AZIN2: variants seen among roughly 807,000 people sequenced by gnomAD.
AZIN2 encodes antizyme inhibitor 2, also known as ODC antizyme inhibitor-2.
In AZIN2, 28 loss-of-function variants were observed where a neutral mutation model predicts 47.8. The ratio of observed to expected loss-of-function variants is 0.59; its 90% CI spans 0.43 to 0.80. The LOEUF (loss-of-function observed/expected upper bound fraction) is 0.80, where lower values mean the gene tolerates loss of function less well. AZIN2 is among the 30% of genes least tolerant of loss of function. The pLI is 0.00. For missense variants in AZIN2, 535 were observed against 582.5 expected (o/e 0.92, Z 0.84); for synonymous variants, 221 against 239.4 (o/e 0.92, Z 0.71).
At chr1:33,090,934 T>C (rs982493246) in intron 5 of AZIN2, among the ~76,000 whole-genome samples, 1 of 152,178 alleles carries the variant, frequency 6.6e-6, no homozygotes, top group Admixed American at 6.6e-5. Context: ...CACATATAAG[T>C]GAGATCATGC....
chr1:33,086,992 G>C (rs920928236), intron 5 of AZIN2, among the ~76,000 whole-genome samples: 3 of 152,154 alleles, frequency 2.0e-5, no homozygotes, highest in African/African-American at 7.2e-5. Context: ...CCAACATCCA[G>C]TGAGCACTTT....
rs1438523379 is a variant in AZIN2 at position 33,122,951 on chromosome 1, G to GT, written c.*2772dup. Among the ~76,000 whole-genome samples, 1 of 152,070 alleles carries GT rather than the reference G, an allele frequency of 6.6e-6. No individual in the cohort carries two copies. The highest frequency in any genetic ancestry group is 2.4e-5 in the African/African-American group (1 of 41,404). ...CAGATGCCGTACCTCCTGGGATTCC[G>GT]TTTCACCAAGAATGAAATTTAAAGT... On this transcript the variant is annotated 3_prime_UTR_variant, in exon 12 of 12. Transcript: ENST00000294517.
chr1:33,132,137 C>T, the AZIN2 span, among the ~76,000 whole-genome samples: 4 of 152,170 alleles, frequency 2.6e-5, no homozygotes, highest in Admixed American at 6.5e-5. Context: ...GGTGTATCTA[C>T]TCTGGATCCA....
the AZIN2 span, among the ~76,000 whole-genome samples, chr1:33,161,648 C>T: frequency 0.68 from 103,210 of 151,838 alleles, 35,731 homozygotes; most frequent in Non-Finnish European, 0.75. This position sits in a 1 kb window ranked among gnomAD's most constrained non-coding sequence, Gnocchi z 4.3. Flanking sequence ...TTCCTGAGCC[C>T]CCTCACCCGG....
chr1:33,083,869 G>A (rs751447366), intron 4 of AZIN2, 85 bp from the exon 5 acceptor site: 2 of 1,531,456 alleles, frequency 1.3e-6, no homozygotes, highest in South Asian at 2.3e-5. Flanking sequence ...CTGAACCTGG[G>A]TCAGGTACTT....
chr1:33,160,361 T>A, the AZIN2 span, among the ~76,000 whole-genome samples: 1 of 152,014 alleles, frequency 6.6e-6, no homozygotes, highest in Non-Finnish European at 1.5e-5. Flanking sequence ...AGGGTGAAGA[T>A]GTTCTCTCAA....
Position 33,112,360 on chromosome 1 carries a change from G to T in AZIN2, c.1030-5542G>T, listed in dbSNP as rs548108462. Among the ~76,000 whole-genome samples, 65 of 152,266 alleles carry T rather than the reference G, an allele frequency of 4.3e-4. No homozygotes were observed. The South Asian group carries it at 5.2e-3, about 12-fold the overall frequency. ...ATAAAACATTGGAAATGACCTTAAT[G>T]TTTATTGGCAGGGTAGCAGAAACAT... On this transcript the variant is annotated intron_variant, in intron 10 of 11. Transcript: ENST00000294517.
rs1313792191 is a variant in AZIN2 at position 33,092,231 on chromosome 1, A to C, written c.452+9A>C. 1 of 1,612,500 alleles carries C rather than the reference A, an allele frequency of 6.2e-7. No homozygotes were observed. The highest frequency in any genetic ancestry group is 1.3e-5 in the African/African-American group (1 of 74,822). Reference sequence around the variant, plus strand: ...AGCCACCCCAGTGCCAAGTAAGCTGAGAACCACTCATGGGGAGGCTGGGCT... The same window carrying C: ...AGCCACCCCAGTGCCAAGTAAGCTGCGAACCACTCATGGGGAGGCTGGGCT... On this transcript the variant is annotated intron_variant, in intron 6 of 11. Coordinates refer to ENST00000294517, the MANE Select transcript of AZIN2 (RefSeq NM_052998.4).
At chr1:33,093,525 CCCTGGG>C (rs1435985386) in intron 7 of AZIN2, 109 bp downstream of exon 7, 2 of 1,340,302 alleles carry the variant, frequency 1.5e-6, no homozygotes, top group African/African-American at 3.0e-5. Flanking sequence ...TAGGGCCTGT[CCCTGGG>C]CCTGGAATTC....
At chr1:33,141,010 C>G in the AZIN2 span, among the ~76,000 whole-genome samples, 1 of 152,112 alleles carries the variant, frequency 6.6e-6, no homozygotes. Flanking sequence ...CTGACTGTGC[C>G]CTGCAGGCTG....
At chr1:33,084,231 G>A in intron 5 of AZIN2, 104 bp downstream of exon 5, 1 of 1,415,190 alleles carries the variant, frequency 7.1e-7, no homozygotes, top group Admixed American at 1.8e-5. Context: ...ACCTGTAGTT[G>A]GTCCTTGCCC....
the AZIN2 span, chr1:33,147,199 C>T: frequency 1.6e-4 from 253 of 1,613,496 alleles, no homozygotes; most frequent in Non-Finnish European, 2.0e-4. The surrounding 1 kb of genome is among the most constrained non-coding windows in gnomAD (Gnocchi z 8.1). Context: ...GGTGTTGATC[C>T]GCAGCGGCTG....
the AZIN2 span, chr1:33,146,073 A>AT: frequency 3.1e-5 from 11 of 352,592 alleles, no homozygotes; most frequent in African/African-American, 2.4e-4. Context: ...CTTCCTGCAG[A>AT]TGGGGGCAGC....
chr1:33,099,443 G>A (rs1380118740), intron 10 of AZIN2, among the ~76,000 whole-genome samples: 1 of 152,186 alleles, frequency 6.6e-6, no homozygotes, highest in Non-Finnish European at 1.5e-5. Context: ...GCATTCTTGT[G>A]GTAGCCCACA....
At chr1:33,135,887 G>A in the AZIN2 span, among the ~76,000 whole-genome samples, 1 of 150,128 alleles carries the variant, frequency 6.7e-6, no homozygotes, top group African/African-American at 2.5e-5. Context: ...GATTGAATGA[G>A]GGAGTGAGGG....
At chr1:33,147,647 C>T in the AZIN2 span, 21 of 1,613,800 alleles carry the variant, frequency 1.3e-5, no homozygotes, top group South Asian at 2.2e-5. This position sits in a 1 kb window ranked among gnomAD's most constrained non-coding sequence, Gnocchi z 8.1. Context: ...TGCAAGTTGC[C>T]GTAAGCCACA....
the AZIN2 span, among the ~76,000 whole-genome samples, chr1:33,138,626 C>CAACAACAA: frequency 1.5e-5 from 1 of 66,102 alleles, no homozygotes; most frequent in African/African-American, 4.7e-5. Context: ...ACAACAACAA[C>CAACAACAA]AAAAAAAAAA....
chr1:33,160,751 C>G, the AZIN2 span, among the ~76,000 whole-genome samples: 1 of 152,116 alleles, frequency 6.6e-6, no homozygotes, highest in Non-Finnish European at 1.5e-5. Context: ...ATTCAGGGGG[C>G]TCAAGGAAAG....
At chr1:33,124,644 A>G (rs1481753710), downstream of AZIN2, among the ~76,000 whole-genome samples, 2 of 152,122 alleles carry the variant, frequency 1.3e-5, no homozygotes, top group Non-Finnish European at 2.9e-5. This position sits in a 1 kb window ranked among gnomAD's most constrained non-coding sequence, Gnocchi z 4.6. Flanking sequence ...TACATTAGGT[A>G]TATCTTCTAA....
Sources: gnomAD v4.1 joint callset for allele counts (sites outside exome capture counted in the v4.1 genomes callset) on GRCh38, gnomAD v4.1.1 for gene constraint, Gnocchi (gnomAD v3.1) non-coding constraint, MANE v1.5 for transcripts, NCBI Gene and HGNC (gene_info 2026-07-23, HGNC 2026-07-21) for gene names.